The following TRPM5 variants were observed in gnomAD, a reference collection of about 807,000 sequenced individuals.
TRPM5 encodes the protein MLSN1 and TRP-related.
TRPM5 carries 121 observed loss-of-function variants against 124.9 expected under a neutral mutation model. That is an observed-to-expected ratio of 0.97 (90% confidence interval 0.84 to 1.13). The LOEUF is 1.13. TRPM5 is among the 50% of genes most tolerant of loss of function. The pLI, the probability that TRPM5 is intolerant of heterozygous loss-of-function variation, is 0.00. For missense variants in TRPM5, 1,643 were observed against 1,589.1 expected (o/e 1.03, Z -0.58); for synonymous variants, 781 against 700.5 (o/e 1.11, Z -1.81).
chr11:2,427,168 A>G (rs1335355844), upstream of TRPM5, among the ~76,000 whole-genome samples: 4 of 152,200 alleles, frequency 2.6e-5, no homozygotes, highest in African/African-American at 7.2e-5. Flanking sequence ...GCTAAAGATA[A>G]GGAAACTGAG....
chr11:2,417,489 C>A (rs562173059), intron 7 of TRPM5, among the ~76,000 whole-genome samples: 5 of 152,246 alleles, frequency 3.3e-5, no homozygotes, highest in African/African-American at 9.6e-5. Flanking sequence ...AAAAAACAAC[C>A]CCCCCACCAA....
At chr11:2,416,385 G>A (rs536221911) in intron 7 of TRPM5, among the ~76,000 whole-genome samples, 1 of 152,164 alleles carries the variant, frequency 6.6e-6, no homozygotes, top group Non-Finnish European at 1.5e-5. Flanking sequence ...GCTGGGCCAC[G>A]TTTCCTCCAC....
At chr11:2,409,541 G>GA (rs1164144511) in intron 18 of TRPM5, among the ~76,000 whole-genome samples, 2 of 152,212 alleles carry the variant, frequency 1.3e-5, no homozygotes, top group Admixed American at 6.5e-5. Flanking sequence ...TGGGGCAGGG[G>GA]TCTGTTCTGG....
chr11:2,417,652 C>T (rs1266793381), intron 7 of TRPM5, 75 bp downstream of exon 12: 18 of 1,227,134 alleles, frequency 1.5e-5, no homozygotes, highest in Non-Finnish European at 2.1e-5. Flanking sequence ...ATTGGCCAGG[C>T]TGCCAAACCC....
At chr11:2,415,772 G>T in intron 8 of TRPM5, 134 bp downstream of exon 13, 1 of 699,088 alleles carries the variant, frequency 1.4e-6, no homozygotes, top group Non-Finnish European at 2.4e-6. Context: ...ACCGTGGCCT[G>T]GTCTTGCCCC....
intron 7 of TRPM5, among the ~76,000 whole-genome samples, chr11:2,416,506 G>A (rs1034991893): frequency 2.0e-5 from 3 of 152,166 alleles, no homozygotes; most frequent in Admixed American, 6.5e-5. Context: ...CACCAGACTC[G>A]CACGTGAGGC....
At chr11:2,415,215 G>A in exon 9 of TRPM5, 1 of 1,578,806 alleles carries the variant, frequency 6.3e-7, no homozygotes, top group Non-Finnish European at 8.6e-7. Flanking sequence ...CTCGTGCAGG[G>A]AGAAGGCCGG....
chr11:2,435,528 C>CATCCATCCACCCGTCTGTCTGTCG, the TRPM5 span, among the ~76,000 whole-genome samples: 4 of 152,028 alleles, frequency 2.6e-5, no homozygotes, highest in Admixed American at 2.6e-4. The surrounding 1 kb of genome is among the most constrained non-coding windows in gnomAD (Gnocchi z 4.1). Flanking sequence ...TTCGTCTGTC[C>CATCCATCCACCCGTCTGTCTGTCG]ATCCATCCAC....
At chr11:2,405,961 G>A in intron 22 of TRPM5, 58 bp downstream of exon 27, 1 of 1,473,086 alleles carries the variant, frequency 6.8e-7, no homozygotes, top group Non-Finnish European at 9.4e-7. Context: ...ACCCATCCCA[G>A]TAGCCCCACG....
the TRPM5 span, among the ~76,000 whole-genome samples, chr11:2,441,206 T>C: frequency 6.6e-6 from 1 of 152,164 alleles, no homozygotes; most frequent in Non-Finnish European, 1.5e-5. This position sits in a 1 kb window ranked among gnomAD's most constrained non-coding sequence, Gnocchi z 7.2. Flanking sequence ...ACCGGAATGA[T>C]AGAGGAGGGG....
rs186571769 is a variant in TRPM5, at chr11:2,405,623, C to G, written c.3325-30G>C. ...AGAAGGGAAACACGTCCGGGAAGCT[C>G]CAGGGCTCTCTCAGGACAGCAGGGG... On this transcript the variant is annotated intron_variant, in intron 22 of 23. Coordinates refer to ENST00000155858, the Ensembl canonical transcript of TRPM5. The G allele has an allele frequency of 3.9e-6, 6 of 1,551,802 alleles. No individual in the cohort carries two copies. The African/African-American group carries it at 6.8e-5, about 18-fold the overall frequency.
chr11:2,420,327 G>A lies in TRPM5; in HGVS notation c.544C>T (p.His182Tyr), dbSNP rs1413964755. Residue 182 changes from histidine (H) to tyrosine (Y), a missense_variant, in exon 4 of 24, where the codon CAC becomes TAC. By Grantham distance (83) the His-to-Tyr change is moderately conservative. Transcript: ENST00000155858. ...GGGCCTGGCTCCACCAGGATGAAGT[G>A]GGAGAGGTTGCTGTCCAGTGAACAG... 2.5e-6 allele frequency: 4 copies of A among 1,612,826 alleles called. No homozygotes were observed. The South Asian group carries it at 4.4e-5, about 18-fold the overall frequency.
chr11:2,408,580 C>T (rs1045925326), intron 18 of TRPM5, among the ~76,000 whole-genome samples: 1 of 152,192 alleles, frequency 6.6e-6, no homozygotes, highest in African/African-American at 2.4e-5. Context: ...GCTCCCTCGG[C>T]CCTGGGCAGG....
chr11:2,411,335 G>T lies in TRPM5; in HGVS notation c.2782+17C>A, dbSNP rs749169557. The stretch of plus-strand genomic sequence containing the variant: ...CCAATTTCTCCCTGCCCCTGCCCCC[G>T]CTGGCTGTGTGCAAACCATCAATCT... On this transcript the variant is annotated intron_variant, in intron 18 of 23. Transcript: ENST00000155858. 1.9e-6 allele frequency: 3 copies of T among 1,559,656 alleles called. No individual in the cohort carries two copies. Among genetic ancestry groups the T allele is most frequent in the South Asian group, 2.3e-5 (2 of 86,260 alleles).
the TRPM5 span, among the ~76,000 whole-genome samples, chr11:2,438,795 C>G: frequency 1.3e-5 from 2 of 152,148 alleles, no homozygotes; most frequent in African/African-American, 4.8e-5. The surrounding 1 kb of genome is among the most constrained non-coding windows in gnomAD (Gnocchi z 5.9). Flanking sequence ...ATTAAACTAC[C>G]AACGTCATTT....
the TRPM5 span, among the ~76,000 whole-genome samples, chr11:2,429,038 T>C: frequency 1.3e-5 from 2 of 150,934 alleles, no homozygotes; most frequent in East Asian, 2.0e-4. This position sits in a 1 kb window ranked among gnomAD's most constrained non-coding sequence, Gnocchi z 8.4. Context: ...GTGATGGTGA[T>C]AGTGTTGGTA....
the TRPM5 span, among the ~76,000 whole-genome samples, chr11:2,437,712 C>T: frequency 6.6e-6 from 1 of 152,134 alleles, no homozygotes; most frequent in Admixed American, 6.5e-5. The surrounding 1 kb of genome is among the most constrained non-coding windows in gnomAD (Gnocchi z 5.6). Flanking sequence ...CCGACCCAGC[C>T]CCACTGTACT....
the TRPM5 span, among the ~76,000 whole-genome samples, chr11:2,441,657 T>C: frequency 6.6e-6 from 1 of 152,094 alleles, no homozygotes; most frequent in Non-Finnish European, 1.5e-5. This position sits in a 1 kb window ranked among gnomAD's most constrained non-coding sequence, Gnocchi z 7.2. Context: ...GAGACAGCCC[T>C]GGGGGCCTCC....
chr11:2,405,102 GGA>G (rs1437685258), intron 23 of TRPM5, 59 bp from the exon 29 acceptor site: 2 of 1,468,984 alleles, frequency 1.4e-6, no homozygotes, highest in East Asian at 2.3e-5. Flanking sequence ...CCCAGGAAGG[GGA>G]GAGGTAGCTG....
Sources: allele counts gnomAD v4.1 joint callset (sites outside exome capture counted in the v4.1 genomes callset), GRCh38; gene constraint gnomAD v4.1.1; non-coding constraint Gnocchi (gnomAD v3.1); transcripts MANE v1.5; gene names NCBI Gene and HGNC (gene_info 2026-07-23, HGNC 2026-07-21).